The following FNDC3A variants were observed in gnomAD, a reference collection of about 807,000 sequenced individuals.
FNDC3A encodes the protein fibronectin type III domain containing 3A.
In FNDC3A, 32 loss-of-function variants were observed where a neutral mutation model predicts 148.9. The ratio of observed to expected loss-of-function variants is 0.21; its 90% CI spans 0.16 to 0.29. The LOEUF is 0.29. Ranked by LOEUF, FNDC3A falls within the 10% of genes least tolerant of loss-of-function variation. The probability of loss-of-function intolerance (pLI) is 1.00; values close to 1 mark genes in which losing one functional copy is unlikely to be tolerated. For synonymous variants in FNDC3A, 472 were observed against 473.6 expected (o/e 1.00, Z 0.04); for missense variants, 1,191 against 1,452.8 (o/e 0.82, Z 2.93).
chr13:49,084,231 T>C (rs1878663509), intron 3 of FNDC3A, among the ~76,000 whole-genome samples: 1 of 152,230 alleles, frequency 6.6e-6, no homozygotes, highest in African/African-American at 2.4e-5. Flanking sequence ...AGTATTATCT[T>C]CCATTTTGTT....
chr13:49,007,855 A>G (rs1010746609), intron 2 of FNDC3A, among the ~76,000 whole-genome samples: 2 of 152,190 alleles, frequency 1.3e-5, no homozygotes, highest in African/African-American at 4.8e-5. Context: ...CAGGAAGTGT[A>G]GAGTAAAGCC....
intron 4 of FNDC3A, among the ~76,000 whole-genome samples, chr13:49,122,199 C>T (rs549622113): frequency 1.4e-4 from 22 of 152,138 alleles, no homozygotes; most frequent in East Asian, 1.4e-3. Context: ...GTTCAACATA[C>T]GTAAATCAAT....
intron 8 of FNDC3A, among the ~76,000 whole-genome samples, chr13:49,151,467 T>C (rs1238912927): frequency 1.3e-5 from 2 of 152,232 alleles, no homozygotes; most frequent in Non-Finnish European, 2.9e-5. Flanking sequence ...TGTATGTATC[T>C]TTACAGGTGA....
At chr13:49,041,028 A>G (rs1593506389) in intron 2 of FNDC3A, among the ~76,000 whole-genome samples, 1 of 152,208 alleles carries the variant, frequency 6.6e-6, no homozygotes, top group Non-Finnish European at 1.5e-5. Flanking sequence ...TTTGTGGCAG[A>G]TGAATGTAAA....
Position 49,153,345 on chromosome 13 carries a change from C to T in FNDC3A, c.977+7410C>T, listed in dbSNP as rs1161599702. ...TTGAGAAGTGTCTGTTCATGTCCTT[C>T]GCCCACTTTTTGATGGGGTTGTTTG... On this transcript the variant is annotated intron_variant, in intron 8 of 25. Transcript: ENST00000492622. Among the ~76,000 whole-genome samples the T allele has an allele frequency of 5.9e-5, 9 of 152,112 alleles. No homozygotes were observed. The South Asian group carries it at 6.2e-4, about 11-fold the overall frequency.
intron 2 of FNDC3A, among the ~76,000 whole-genome samples, chr13:49,029,724 G>T (rs760285465): frequency 2.0e-5 from 3 of 151,926 alleles, no homozygotes; most frequent in Non-Finnish European, 4.4e-5. Context: ...TGCTTTTCAA[G>T]AACAAAAAAG....
At chr13:49,104,308 C>G (rs1369545687) in intron 3 of FNDC3A, among the ~76,000 whole-genome samples, 1 of 152,034 alleles carries the variant, frequency 6.6e-6, no homozygotes, top group Non-Finnish European at 1.5e-5. Flanking sequence ...GGGTTGATCA[C>G]GAGGTCAGGA....
At chr13:49,021,189 GA>G (rs1873299125) in intron 2 of FNDC3A, among the ~76,000 whole-genome samples, 1 of 152,146 alleles carries the variant, frequency 6.6e-6, no homozygotes, top group South Asian at 2.1e-4. Context: ...ACCTTAACTT[GA>G]ACACACTAGA....
intron 3 of FNDC3A, among the ~76,000 whole-genome samples, chr13:49,091,135 A>G (rs1437342219): frequency 6.6e-6 from 1 of 152,136 alleles, no homozygotes; most frequent in Non-Finnish European, 1.5e-5. Context: ...CAGAACAATA[A>G]CAAAAAACAG....
intron 3 of FNDC3A, among the ~76,000 whole-genome samples, chr13:49,106,773 C>CAAAAAAAAAAAAAAAAAAAAACAAAAA (rs543962565): frequency 1.3e-5 from 1 of 79,884 alleles, no homozygotes; most frequent in Non-Finnish European, 2.3e-5. Context: ...TGAATGAAAG[C>CAAAAAAAAAAAAAAAAAAAAACAAAAA]AAAAAAAAAA....
intron 1 of FNDC3A, among the ~76,000 whole-genome samples, chr13:48,987,600 G>A (rs1951829549): frequency 6.6e-6 from 1 of 152,142 alleles, no homozygotes; most frequent in South Asian, 2.1e-4. Context: ...GAAAGAGTGA[G>A]GCTTATCCAT....
intron 2 of FNDC3A, among the ~76,000 whole-genome samples, chr13:49,074,217 C>T (rs6561493): frequency 0.59 from 88,881 of 151,844 alleles, 27,476 homozygotes; most frequent in Non-Finnish European, 0.68. Flanking sequence ...AATTTATAGT[C>T]CTTTATCCCT....
chr13:49,178,584 C>G lies in FNDC3A; in HGVS notation c.1547C>G (p.Pro516Arg). Residue 516 changes from proline (P) to arginine (R), a missense_variant, in exon 14 of 26, where the codon CCT becomes CGT. Transcript: ENST00000492622. ...CTTTTCCAGGGATATGGTTTTAAGC[C>G]TAAATATGATGGAGAAGATCTTGCT... The part of the protein sequence containing the change: ...EEETSGYGFK[P>R]KYDGEDLAYT... The G allele has an allele frequency of 6.3e-7, 1 of 1,593,244 alleles. No homozygotes were observed. The highest frequency in any genetic ancestry group is 8.6e-7 in the Non-Finnish European group (1 of 1,168,726).
chr13:49,182,189 A>G (rs1354706360), intron 14 of FNDC3A, among the ~76,000 whole-genome samples: 1 of 151,744 alleles, frequency 6.6e-6, no homozygotes, highest in African/African-American at 2.4e-5. Context: ...ATAGTTTTGT[A>G]TGTTGCCCAG....
intron 2 of FNDC3A, among the ~76,000 whole-genome samples, chr13:49,032,367 C>T (rs1874182280): frequency 6.6e-6 from 1 of 152,136 alleles, no homozygotes; most frequent in South Asian, 2.1e-4. Flanking sequence ...AAAGTGGAAA[C>T]ACTCCAAATG....
intron 1 of FNDC3A, among the ~76,000 whole-genome samples, chr13:49,003,986 C>T (rs1047926063): frequency 2.0e-5 from 3 of 152,084 alleles, no homozygotes; most frequent in Admixed American, 2.0e-4. Flanking sequence ...CAGGAATTTG[C>T]AGGTCAATTT....
At position 49,168,681 on chromosome 13, in the gene FNDC3A, G is replaced by A; in HGVS notation, c.1106G>A (p.Cys369Tyr). 6.2e-7 allele frequency: 1 copy of A among 1,612,824 alleles called. No homozygotes were observed. Among genetic ancestry groups the A allele is most frequent in the Non-Finnish European group, 8.5e-7 (1 of 1,178,936 alleles). Residue 369 changes from cysteine (C) to tyrosine (Y), a missense_variant, in exon 10 of 26, where the codon TGT becomes TAT. Physicochemically the swap from Cys to Tyr is radical, Grantham distance 194. This residue lies in a region of FNDC3A where 426 missense variants were observed against 473.2 expected (regional missense o/e 0.90). Coordinates refer to ENST00000492622, the MANE Select transcript of FNDC3A (RefSeq NM_001079673.2). ...GCTGAAATCTTTACCACCTTGAGCT[G>A]TGAACCTGATATACCTAATCCACCA... ...SEAEIFTTLSCEPDIPNPPRI... is the reference protein window; with the variant it reads ...SEAEIFTTLSYEPDIPNPPRI...
chr13:49,117,163 C>T (rs111982255), intron 4 of FNDC3A, among the ~76,000 whole-genome samples: 13 of 152,006 alleles, frequency 8.6e-5, no homozygotes, highest in Non-Finnish European at 1.8e-4. Context: ...GATAATCATC[C>T]GAGTTGAGGT....
intron 2 of FNDC3A, among the ~76,000 whole-genome samples, chr13:49,056,630 A>G (rs1464947178): frequency 6.6e-6 from 1 of 151,864 alleles, no homozygotes; most frequent in Non-Finnish European, 1.5e-5. Context: ...CTTCCTTTCT[A>G]TATTTTACAT....
Sources: gnomAD v4.1 joint callset for allele counts (sites outside exome capture counted in the v4.1 genomes callset) on GRCh38, gnomAD v4.1.1 for gene constraint, gnomAD v4.1.1 regional missense constraint, MANE v1.5 for transcripts, NCBI Gene and HGNC (gene_info 2026-07-23, HGNC 2026-07-21) for gene names.